The following B4GALNT3 variants were observed in gnomAD, a reference collection of about 807,000 sequenced individuals.
The protein encoded by B4GALNT3 is beta-1,4-N-acetyl-galactosaminyltransferase 3, also known as beta-1,4-N-acetylgalactosaminyltransferase 3.
B4GALNT3 carries 86 observed loss-of-function variants against 120.2 expected under a neutral mutation model. The observed-to-expected ratio is 0.72, with a 90% CI of 0.60 to 0.86. B4GALNT3 has a LOEUF of 0.86. B4GALNT3 is among the 40% of genes least tolerant of loss of function. The pLI is 0.00. For synonymous variants in B4GALNT3, 518 were observed against 510.4 expected, an observed-to-expected ratio of 1.01 and a Z score of -0.20; for missense variants, 1,167 against 1,298.9, an observed-to-expected ratio of 0.90 and a Z score of 1.56.
chr12:521,608 G>A (rs964342278), intron 1 of B4GALNT3, among the ~76,000 whole-genome samples: 12 of 152,210 alleles, frequency 7.9e-5, no homozygotes, highest in Non-Finnish European at 1.5e-4. Context: ...TTCCTGGGCC[G>A]TCACTGAGTG....
chr12:531,309 GCCA>G (rs1565604135), intron 1 of B4GALNT3, among the ~76,000 whole-genome samples: 3 of 151,144 alleles, frequency 2.0e-5, no homozygotes, highest in Non-Finnish European at 4.4e-5. Flanking sequence ...TTGCCATACT[GCCA>G]CTGCTGGCCC....
At chr12:545,492 C>G (rs1946982067) in intron 6 of B4GALNT3, 23 bp downstream of exon 6, 2 of 1,570,630 alleles carry the variant, frequency 1.3e-6, no homozygotes, top group African/African-American at 2.7e-5. Flanking sequence ...CAACCCCGGT[C>G]CCTCCCATCT....
At chr12:535,358 CTA>C in intron 2 of B4GALNT3, 89 bp downstream of exon 2, 1 of 1,103,506 alleles carries the variant, frequency 9.1e-7, no homozygotes, top group Non-Finnish European at 1.3e-6. Flanking sequence ...GTAACCTCTG[CTA>C]CTCTGGGAGG....
intron 1 of B4GALNT3, among the ~76,000 whole-genome samples, chr12:463,956 C>T (rs190186941): frequency 2.0e-5 from 3 of 152,298 alleles, no homozygotes; most frequent in East Asian, 1.9e-4. Flanking sequence ...TTTTAGAATA[C>T]GGCAGCATTG....
chr12:546,507 CCT>C, intron 6 of B4GALNT3, 137 bp from the exon 7 acceptor site: 1 of 780,254 alleles, frequency 1.3e-6, no homozygotes, highest in Middle Eastern at 2.6e-4. Context: ...TTCTCTCCTA[CCT>C]CTCTCACCTT....
At chr12:481,703 C>A (rs1350120016) in intron 1 of B4GALNT3, among the ~76,000 whole-genome samples, 2 of 152,158 alleles carry the variant, frequency 1.3e-5, no homozygotes, top group African/African-American at 4.8e-5. Context: ...TGGGCCCAGG[C>A]AGCTGGGCTG....
At chr12:520,911 G>A (rs1946703146) in intron 1 of B4GALNT3, among the ~76,000 whole-genome samples, 1 of 152,204 alleles carries the variant, frequency 6.6e-6, no homozygotes, top group South Asian at 2.1e-4. Context: ...TTTTCCCTGG[G>A]AACTCACTTT....
chr12:502,495 C>T (rs564186666), intron 1 of B4GALNT3, among the ~76,000 whole-genome samples: 9 of 152,000 alleles, frequency 5.9e-5, no homozygotes, highest in African/African-American at 2.2e-4. Flanking sequence ...TGTAGGGACA[C>T]AGGGCTGAGA....
intron 11 of B4GALNT3, 144 bp from the exon 12 acceptor site, chr12:551,919 T>G (rs1454840792): frequency 1.5e-6 from 1 of 678,748 alleles, no homozygotes; most frequent in Non-Finnish European, 2.7e-6. Flanking sequence ...CATTCGGCGC[T>G]CAGAGCAACC....
chr12:555,113 G>A (rs1947136714), intron 14 of B4GALNT3, among the ~76,000 whole-genome samples: 2 of 151,932 alleles, frequency 1.3e-5, no homozygotes, highest in Admixed American at 1.3e-4. Flanking sequence ...GGGAGGTGGA[G>A]GTTGTAGTGA....
chr12:468,654 C>T (rs1946106301), intron 1 of B4GALNT3, among the ~76,000 whole-genome samples: 1 of 152,226 alleles, frequency 6.6e-6, no homozygotes, highest in African/African-American at 2.4e-5. Context: ...GCAAGGACAC[C>T]TCAACATGAA....
intron 1 of B4GALNT3, among the ~76,000 whole-genome samples, chr12:468,768 A>G (rs1946107596): frequency 6.6e-6 from 1 of 152,234 alleles, no homozygotes; most frequent in African/African-American, 2.4e-5. Flanking sequence ...TGCCCAGGGA[A>G]TAGACTTCAT....
Position 548,895 on chromosome 12 carries a change from G to A in B4GALNT3, c.853+598G>A, listed in dbSNP as rs991966033. ...TCCAGCCTGGGCAACAGAGCAAGAC[G>A]CTGCCTCAAAAGCAAAACAAAACAA... On this transcript the variant is annotated intron_variant, in intron 9 of 19. Coordinates refer to ENST00000266383, the MANE Select transcript of B4GALNT3 (RefSeq NM_173593.4). The surrounding 1 kb of genome is among the most constrained non-coding windows in gnomAD (Gnocchi z 4.9). Among the ~76,000 whole-genome samples, 3 of 150,058 alleles carry A rather than the reference G, an allele frequency of 2.0e-5. No homozygotes were observed. Among genetic ancestry groups the A allele is most frequent in the Admixed American group, 6.6e-5 (1 of 15,094 alleles).
At chr12:504,757 A>T (rs533379037) in intron 1 of B4GALNT3, among the ~76,000 whole-genome samples, 1 of 152,114 alleles carries the variant, frequency 6.6e-6, no homozygotes, top group South Asian at 2.1e-4. Flanking sequence ...ATTAATTATC[A>T]TCACCATGTT....
At chr12:510,925 C>G (rs80064494) in intron 1 of B4GALNT3, among the ~76,000 whole-genome samples, 4,255 of 150,212 alleles carry the variant, frequency 0.028, 211 homozygotes, top group African/African-American at 0.098. Context: ...TAGAAAGGAA[C>G]CTCACCCATT....
At position 499,079 on chromosome 12, in the gene B4GALNT3, T is replaced by A. The variant is rs142288573; in HGVS notation, c.170-36087T>A. Among the ~76,000 whole-genome samples the A allele has an allele frequency of 4.0e-3, 605 of 152,248 alleles. 4 individuals carry two copies. Among genetic ancestry groups the A allele is most frequent in the African/African-American group, 0.014 (578 of 41,548 alleles). ...GCAGGGCCCAGAGCCCTTCATAATG[T>A]ATAATTTGAGATGAGAGTTTTGGGG... On this transcript the variant is annotated intron_variant, in intron 1 of 19. Coordinates refer to ENST00000266383, the MANE Select transcript of B4GALNT3 (RefSeq NM_173593.4).
At chr12:540,727 G>T (rs1442142736) in intron 3 of B4GALNT3, among the ~76,000 whole-genome samples, 1 of 151,874 alleles carries the variant, frequency 6.6e-6, no homozygotes, top group African/African-American at 2.4e-5. Flanking sequence ...AGCTTCAGAG[G>T]TTTTTTTTCT....
At chr12:491,125 C>G (rs1946336375) in intron 1 of B4GALNT3, among the ~76,000 whole-genome samples, 1 of 152,004 alleles carries the variant, frequency 6.6e-6, no homozygotes, top group African/African-American at 2.4e-5. Context: ...TGCAAAAATC[C>G]TCAACAAAAT....
intron 1 of B4GALNT3, among the ~76,000 whole-genome samples, chr12:485,152 G>A (rs538046180): frequency 6.6e-6 from 1 of 152,294 alleles, no homozygotes; most frequent in African/African-American, 2.4e-5. Flanking sequence ...GTATGATGCA[G>A]AGGACTTAGA....
Sources: gnomAD v4.1 joint callset for allele counts (sites outside exome capture counted in the v4.1 genomes callset) on GRCh38, gnomAD v4.1.1 for gene constraint, Gnocchi (gnomAD v3.1) non-coding constraint, MANE v1.5 for transcripts, NCBI Gene and HGNC (gene_info 2026-07-23, HGNC 2026-07-21) for gene names.